ABCA13: variants seen among roughly 807,000 people sequenced by gnomAD.
ABCA13 encodes the protein ATP-binding cassette sub-family A member 13.
Under a neutral mutation model 478.7 loss-of-function variants are expected in ABCA13, and 476 were observed. The observed-to-expected ratio is 0.99, with a 90% CI of 0.92 to 1.07. The LOEUF (loss-of-function observed/expected upper bound fraction) is 1.07, where lower values mean the gene tolerates loss of function less well. Ranked by LOEUF, ABCA13 falls within the 50% of genes least tolerant of loss-of-function variation. The probability of loss-of-function intolerance (pLI) is 0.00; values close to 1 mark genes in which losing one functional copy is unlikely to be tolerated. For synonymous variants in ABCA13, 2,252 were observed against 2,158.9 expected, an observed-to-expected ratio of 1.04 and a Z score of -1.20; for missense variants, 6,060 against 5,910.6, an observed-to-expected ratio of 1.03 and a Z score of -0.83.
chr7:48,198,370 A>G lies in ABCA13; in HGVS notation c.287+10A>G, dbSNP rs1225831507. 6.2e-7 allele frequency: 1 copy of G among 1,613,068 alleles called. No individual in the cohort carries two copies. The highest frequency in any genetic ancestry group is 8.5e-7 in the Non-Finnish European group (1 of 1,179,584). On this transcript the variant is annotated intron_variant, in intron 3 of 61. Transcript: ENST00000435803. ...TGGAGCATCATTTTCGGTAAGAGAA[A>G]CACAAAGATCTTTTTCAGAAATCTC...
chr7:48,417,155 C>G (rs1820131560), intron 41 of ABCA13, among the ~76,000 whole-genome samples: 2 of 152,146 alleles, frequency 1.3e-5, no homozygotes, highest in Non-Finnish European at 2.9e-5. Flanking sequence ...ACAGGATCCC[C>G]CAGCTTTTCC....
rs752314446 is a variant in ABCA13, at chr7:48,643,276, T to C, written c.14838-12T>C. The C allele has an allele frequency of 1.9e-6, 3 of 1,554,464 alleles. No individual in the cohort carries two copies. Among genetic ancestry groups the C allele is most frequent in the Admixed American group, 1.8e-5 (1 of 55,598 alleles). On this transcript the variant is annotated splice_polypyrimidine_tract_variant and intron_variant, in intron 59 of 61. Transcript: ENST00000435803. ...TGATAATAATCATGTTTCTATTTTA[T>C]TTAACTCTCAGGTTTGGTGATGGTT...
At chr7:48,207,179 A>G (rs1785037820) in intron 3 of ABCA13, among the ~76,000 whole-genome samples, 1 of 152,184 alleles carries the variant, frequency 6.6e-6, no homozygotes. Context: ...TATACGTACT[A>G]CATTTTCTTT....
intron 3 of ABCA13, among the ~76,000 whole-genome samples, chr7:48,212,179 G>A (rs1482382613): frequency 2.0e-5 from 3 of 152,146 alleles, no homozygotes; most frequent in African/African-American, 7.2e-5. Flanking sequence ...CCCTCTGTGG[G>A]CACCAGTAGA....
At chr7:48,574,310 G>A (rs1787956867) in intron 55 of ABCA13, among the ~76,000 whole-genome samples, 1 of 152,012 alleles carries the variant, frequency 6.6e-6, no homozygotes, top group Admixed American at 6.6e-5. Flanking sequence ...TTTTTAAAGG[G>A]CTTGTCTATT....
chr7:48,328,661 T>A (rs534837786), intron 27 of ABCA13, among the ~76,000 whole-genome samples: 6 of 152,198 alleles, frequency 3.9e-5, no homozygotes, highest in Admixed American at 3.9e-4. Flanking sequence ...GGTGGTCTAT[T>A]TGATATAATC....
At chr7:48,236,316 T>A (rs368170448) in intron 8 of ABCA13, among the ~76,000 whole-genome samples, 14 of 152,186 alleles carry the variant, frequency 9.2e-5, no homozygotes, top group Non-Finnish European at 1.8e-4. Context: ...TCTTTACAGA[T>A]GAAAATTATC....
At chr7:48,508,712 A>C (rs1317146435) in intron 50 of ABCA13, among the ~76,000 whole-genome samples, 2 of 152,158 alleles carry the variant, frequency 1.3e-5, no homozygotes, top group East Asian at 3.9e-4. Context: ...CATATGATTC[A>C]TCTTGTGATA....
At chr7:48,294,302 C>G (rs1584689063) in intron 20 of ABCA13, among the ~76,000 whole-genome samples, 2 of 152,114 alleles carry the variant, frequency 1.3e-5, no homozygotes, top group African/African-American at 4.8e-5. Context: ...AATTCTCATG[C>G]TGTATATTAA....
rs1177628823 is a variant in ABCA13, at chr7:48,403,706, C to T, written c.11897C>T (p.Thr3966Ile). Residue 3966 changes from threonine (T) to isoleucine (I), a missense_variant, in exon 39 of 62, where the codon ACT becomes ATT. Coordinates refer to ENST00000435803, the MANE Select transcript of ABCA13 (RefSeq NM_152701.5). ...VNQTLQDVDLTQHQHKQTRAL... is the reference protein window; with the variant it reads ...VNQTLQDVDLIQHQHKQTRAL... ...AGAACTCTTCAGGATGTGGACTTAA[C>T]TCAGCATCAGCACAAACAGACCCGA... 2 of 1,613,670 alleles carry T rather than the reference C, an allele frequency of 1.2e-6. No homozygotes were observed. Among genetic ancestry groups the T allele is most frequent in the African/African-American group, 2.7e-5 (2 of 74,930 alleles).
Position 48,219,481 on chromosome 7 carries a change from T to G in ABCA13, c.415T>G (p.Trp139Gly). 1 of 1,612,424 alleles carries G rather than the reference T, an allele frequency of 6.2e-7. No individual in the cohort carries two copies. Among genetic ancestry groups the G allele is most frequent in the Non-Finnish European group, 8.5e-7 (1 of 1,179,300 alleles). The change falls in exon 4 of 62, where the codon TGG (tryptophan) becomes GGG (glycine). Residue 139 changes from tryptophan to glycine, a missense_variant. This residue lies in a region of ABCA13 where 4,423 missense variants were observed against 4,309.1 expected (regional missense o/e 1.03). Transcript: ENST00000435803. ...CAAGGCAAAAAACTTAAAAAGACTT[T>G]GGGTAGAACGATCCAACACTCCAGG... ...MDKAKNLKRLWVERSNTPDSS... is the reference protein window; with the variant it reads ...MDKAKNLKRLGVERSNTPDSS...
intron 25 of ABCA13, among the ~76,000 whole-genome samples, chr7:48,313,777 A>T (rs1466666552): frequency 6.6e-6 from 1 of 152,170 alleles, no homozygotes; most frequent in African/African-American, 2.4e-5. Flanking sequence ...TAGGATGAGG[A>T]GCAAGATAAC....
chr7:48,173,954 C>G (rs1459443643), intron 1 of ABCA13, among the ~76,000 whole-genome samples: 1 of 152,180 alleles, frequency 6.6e-6, no homozygotes, highest in East Asian at 1.9e-4. Context: ...GGGTAACTCT[C>G]AGTTCATGGC....
At chr7:48,270,650 C>G (rs187186867) in intron 16 of ABCA13, among the ~76,000 whole-genome samples, 1 of 152,222 alleles carries the variant, frequency 6.6e-6, no homozygotes, top group East Asian at 1.9e-4. Context: ...AAAATAACAA[C>G]TAACTAAATT....
rs761730501 is a variant in ABCA13 at position 48,507,995 on chromosome 7, C to G, written c.13470C>G (p.His4490Gln). Residue 4490 changes from histidine to glutamine, a missense_variant, in exon 50 of 62, where the codon CAC becomes CAG. Transcript: ENST00000435803. ...TGATTGGAGCCAAAAGGTTGCAGCA[C>G]ATAAGTGGCCTTGGCTACAGGATGT... ...DRVIGAKRLQ[H>Q]ISGLGYRMYW... The G allele has an allele frequency of 4.3e-6, 7 of 1,613,744 alleles. No individual in the cohort carries two copies. The East Asian group carries it at 1.6e-4, about 36-fold the overall frequency.
At chr7:48,529,161 T>C (rs1833062882) in intron 55 of ABCA13, among the ~76,000 whole-genome samples, 1 of 152,214 alleles carries the variant, frequency 6.6e-6, no homozygotes, top group Non-Finnish European at 1.5e-5. Flanking sequence ...GATGTTTCTC[T>C]CTACTGCAAG....
chr7:48,418,161 T>C (rs111945750), intron 41 of ABCA13, among the ~76,000 whole-genome samples: 4,329 of 152,330 alleles, frequency 0.028, 100 homozygotes, highest in Middle Eastern at 0.044. Context: ...GTGCAGATTT[T>C]TGTGTGGACA....
intron 45 of ABCA13, among the ~76,000 whole-genome samples, chr7:48,479,196 C>T (rs372657762): frequency 6.0e-4 from 91 of 151,206 alleles, no homozygotes; most frequent in African/African-American, 2.4e-4. Context: ...GTGATCTGCC[C>T]GCCTCAGCCT....
rs868686901 is a variant in ABCA13, at chr7:48,613,835, T to A, written c.14745-1450T>A. On this transcript the variant is annotated intron_variant, in intron 58 of 61. Transcript: ENST00000435803. ...TAAAATTTTGATTAGATTTACTATA[T>A]CTGTATTATAATATATTTTCATTAT... Among the ~76,000 whole-genome samples the A allele has an allele frequency of 6.1e-5, 9 of 148,468 alleles. 2 individuals are homozygous for A. The highest frequency in any genetic ancestry group is 8.2e-3 in the Middle Eastern group (2 of 244).
Sources: allele counts gnomAD v4.1 joint callset (sites outside exome capture counted in the v4.1 genomes callset), GRCh38; gene constraint gnomAD v4.1.1; regional missense constraint gnomAD v4.1.1; transcripts MANE v1.5; gene names NCBI Gene and HGNC (gene_info 2026-07-23, HGNC 2026-07-21).